Variants in MXRA7 observed in about 807,000 individuals in gnomAD.
MXRA7 encodes matrix-remodeling-associated protein 7.
MXRA7 carries 18 observed loss-of-function variants against 17.4 expected under a neutral mutation model. The observed-to-expected ratio is 1.03, with a 90% CI of 0.71 to 1.53. The LOEUF is 1.53. Ranked by LOEUF, MXRA7 falls within the 40% of genes most tolerant of loss-of-function variation. The pLI, the probability that MXRA7 is intolerant of heterozygous loss-of-function variation, is 0.00. For missense variants in MXRA7, 141 were observed against 209.3 expected, an observed-to-expected ratio of 0.67 and a Z score of 2.01; for synonymous variants, 70 against 101.7, an observed-to-expected ratio of 0.69 and a Z score of 1.87.
chr17:76,673,492 G>C (rs2076217557), exon 4 of MXRA7: 1 of 152,228 alleles, frequency 6.6e-6, no homozygotes, highest in Non-Finnish European at 1.5e-5. Context: ...GTTGCTTTCA[G>C]AAATCATGGT....
downstream of MXRA7, among the ~76,000 whole-genome samples, chr17:76,677,938 G>A (rs914949703): frequency 2.0e-5 from 3 of 152,162 alleles, no homozygotes; most frequent in Non-Finnish European, 2.9e-5. Flanking sequence ...CAGGTTTGCC[G>A]GGGAGGTTTG....
chr17:76,700,036 T>C (rs924298642), intron 1 of MXRA7, among the ~76,000 whole-genome samples: 1 of 152,166 alleles, frequency 6.6e-6, no homozygotes, highest in East Asian at 1.9e-4. Context: ...CTCGGCTCAC[T>C]GCAACCTCCA....
At chr17:76,685,011 CAGA>C in intron 3 of MXRA7, 58 bp downstream of exon 3, 1 of 1,415,738 alleles carries the variant, frequency 7.1e-7, no homozygotes, top group Non-Finnish European at 1.0e-6. Context: ...ATGAAGGGCT[CAGA>C]GGGGCACCCC....
intron 1 of MXRA7, chr17:76,690,316 A>G (rs532267050): frequency 6.6e-6 from 1 of 152,234 alleles, no homozygotes; most frequent in South Asian, 2.1e-4. Flanking sequence ...TGCATGAATG[A>G]CTAAATATAT....
At chr17:76,686,030 C>T (rs2076391439) in intron 2 of MXRA7, among the ~76,000 whole-genome samples, 1 of 152,216 alleles carries the variant, frequency 6.6e-6, no homozygotes, top group Non-Finnish European at 1.5e-5. Flanking sequence ...GTGCTGCCCT[C>T]TCTGTCCCTC....
At chr17:76,685,601 C>G (rs77970732) in intron 2 of MXRA7, among the ~76,000 whole-genome samples, 26 of 152,338 alleles carry the variant, frequency 1.7e-4, no homozygotes, top group Admixed American at 1.5e-3. Context: ...TCTGAAAACA[C>G]GCATCCAGGC....
intron 1 of MXRA7, among the ~76,000 whole-genome samples, chr17:76,696,049 C>G (rs866906727): frequency 6.6e-6 from 1 of 151,718 alleles, no homozygotes; most frequent in South Asian, 2.1e-4. Flanking sequence ...AAGCCGAGAT[C>G]GCACCACTGC....
chr17:76,680,631 G>A lies in MXRA7; in HGVS notation c.*236C>T. On this transcript the variant is annotated 3_prime_UTR_variant, in exon 4 of 4. Transcript: ENST00000449428. ...TCTTAAAACTCTTCAGCTTAACAAA[G>A]TGACCCACAGGAACAGACATGAACA... is the stretch of plus-strand genomic sequence containing the variant. 2 of 1,310,150 alleles carry A rather than the reference G, an allele frequency of 1.5e-6. No homozygotes were observed. Among genetic ancestry groups the A allele is most frequent in the Non-Finnish European group, 9.7e-7 (1 of 1,026,198 alleles). 81.2% of individuals were successfully genotyped at this position (1,310,150 alleles called of 1,614,324 possible). A position where few individuals can be genotyped will look rare whatever the true frequency, so the allele number is the denominator to read the frequency against.
chr17:76,687,604 T>TC (rs2076414369), intron 2 of MXRA7, among the ~76,000 whole-genome samples: 2 of 152,174 alleles, frequency 1.3e-5, no homozygotes, highest in Admixed American at 1.3e-4. Flanking sequence ...TGGCAGTGTC[T>TC]CCCCTGTTCT....
chr17:76,697,932 G>A (rs60837241), intron 1 of MXRA7, among the ~76,000 whole-genome samples: 1,994 of 151,852 alleles, frequency 0.013, 47 homozygotes, highest in African/African-American at 0.045. Context: ...TAGATAAGGC[G>A]GGGGGAGGGG....
At chr17:76,697,100 C>T (rs2076540380) in intron 1 of MXRA7, among the ~76,000 whole-genome samples, 1 of 152,168 alleles carries the variant, frequency 6.6e-6, no homozygotes, top group African/African-American at 2.4e-5. Flanking sequence ...CCAACTACCT[C>T]TCAGCCTGAC....
In MXRA7 at chr17:76,700,486, A is replaced by T. The variant is rs1298638671; in HGVS notation, c.342+10119T>A. On this transcript the variant is annotated intron_variant, in intron 1 of 3. Transcript: ENST00000449428. The stretch of plus-strand genomic sequence containing the variant: ...GGGCAAGAACTGCAGGCGGCTGTGC[A>T]GGGCGCTGGGCTACAGGCCTGGGCA... 2.0e-5 allele frequency among the ~76,000 whole-genome samples: 3 copies of T among 152,318 alleles called. No homozygotes were observed. The East Asian group carries it at 5.8e-4, about 29-fold the overall frequency.
downstream of MXRA7, chr17:76,677,713 G>T (rs752141020): frequency 3.1e-6 from 5 of 1,603,548 alleles, no homozygotes; most frequent in Non-Finnish European, 4.3e-6. Context: ...CTGTCGAGAA[G>T]AAAGGACAAA....
chr17:76,700,292 A>C (rs960877208), intron 1 of MXRA7, among the ~76,000 whole-genome samples: 1 of 152,100 alleles, frequency 6.6e-6, no homozygotes, highest in Non-Finnish European at 1.5e-5. Context: ...GTTTTAGAAA[A>C]TGTTAGAAAA....
At chr17:76,706,494 G>A (rs1029072097) in intron 1 of MXRA7, among the ~76,000 whole-genome samples, 2 of 152,222 alleles carry the variant, frequency 1.3e-5, no homozygotes, top group Non-Finnish European at 2.9e-5. Flanking sequence ...CATCAAAAAG[G>A]ACCACACTGC....
At chr17:76,702,679 TC>T (rs2076603701) in intron 1 of MXRA7, among the ~76,000 whole-genome samples, 1 of 151,244 alleles carries the variant, frequency 6.6e-6, no homozygotes, top group Non-Finnish European at 1.5e-5. Context: ...ACGCGAAACT[TC>T]ATCTCTACTA....
chr17:76,699,736 C>T (rs1598356187), intron 1 of MXRA7, among the ~76,000 whole-genome samples: 1 of 152,146 alleles, frequency 6.6e-6, no homozygotes, highest in South Asian at 2.1e-4. Context: ...TGCACACACC[C>T]CTCTCCTTCC....
downstream of MXRA7, among the ~76,000 whole-genome samples, chr17:76,679,288 A>AAAAAAAGGG (rs1555640453): frequency 1.4e-3 from 32 of 23,338 alleles, no homozygotes; most frequent in African/African-American, 2.1e-3. Context: ...GCCCTGTCTC[A>AAAAAAAGGG]AAAAAAAAAA....
intron 1 of MXRA7, among the ~76,000 whole-genome samples, chr17:76,701,359 G>C (rs956687640): frequency 3.3e-5 from 5 of 151,590 alleles, no homozygotes; most frequent in African/African-American, 7.3e-5. Flanking sequence ...CTGAGCGTCG[G>C]GGGGGTGGAT....
Sources: allele counts gnomAD v4.1 joint callset (sites outside exome capture counted in the v4.1 genomes callset), GRCh38; gene constraint gnomAD v4.1.1; transcripts MANE v1.5; gene names NCBI Gene and HGNC (gene_info 2026-07-23, HGNC 2026-07-21).